Variants in STAM2 observed in about 807,000 individuals in gnomAD.
STAM2 encodes the protein signal transducing adaptor molecule 2.
Under a neutral mutation model 65.6 loss-of-function variants are expected in STAM2, and 51 were observed. That is an observed-to-expected ratio of 0.78 (90% CI 0.62 to 0.98). The LOEUF (loss-of-function observed/expected upper bound fraction) is 0.98. Among genes scored for constraint, STAM2 ranks in the 50% least tolerant of loss-of-function variants. STAM2 has a pLI of 0.00. For synonymous variants in STAM2, 198 were observed against 208.4 expected (o/e 0.95, Z 0.43); for missense variants, 584 against 617.8 (o/e 0.95, Z 0.58).
chr2:152,173,386 A>G (rs1007044143), intron 1 of STAM2, among the ~76,000 whole-genome samples: 1 of 143,740 alleles, frequency 7.0e-6, no homozygotes. Flanking sequence ...ATATATATAT[A>G]TGTATACATA....
At chr2:152,139,380 G>C (rs568367031) in intron 7 of STAM2, among the ~76,000 whole-genome samples, 1 of 152,260 alleles carries the variant, frequency 6.6e-6, no homozygotes, top group South Asian at 2.1e-4. Flanking sequence ...AAATTACAAA[G>C]ATAATTAAGA....
chr2:152,145,000 C>G (rs1176327856), intron 5 of STAM2, 43 bp from the exon 6 acceptor site: 8 of 1,437,002 alleles, frequency 5.6e-6, no homozygotes, highest in Non-Finnish European at 6.9e-6. Flanking sequence ...TCTTTTCAAA[C>G]AAAACACAAG....
intron 6 of STAM2, 134 bp downstream of exon 6, chr2:152,144,754 G>T (rs1219407162): frequency 4.6e-6 from 3 of 651,798 alleles, no homozygotes; most frequent in Non-Finnish European, 8.2e-6. Context: ...GGTCAGGCTG[G>T]TCTCGATCTC....
chr2:152,150,406 G>T (rs1689420424), intron 1 of STAM2, among the ~76,000 whole-genome samples, 177 bp from the exon 2 acceptor site: 1 of 152,162 alleles, frequency 6.6e-6, no homozygotes, highest in Admixed American at 6.5e-5. Flanking sequence ...ATAATTAAAT[G>T]AACTAAATAT....
rs1361703322 is a variant in STAM2, at chr2:152,160,875, G to C, written c.41-10646C>G. 8.1e-5 allele frequency among the ~76,000 whole-genome samples: 12 copies of C among 149,046 alleles called. No individual in the cohort carries two copies. In the South Asian group the frequency reaches 2.1e-3, roughly 26 times the overall value. ...AGCCGCCCCGTCCGGGAGGGAGGTG[G>C]GGGGGTCAGCCCCCCGCCTGGCCAG... On this transcript the variant is annotated intron_variant, in intron 1 of 13. Transcript: ENST00000263904.
chr2:152,136,833 T>C (rs183004465), intron 7 of STAM2, among the ~76,000 whole-genome samples: 28 of 152,232 alleles, frequency 1.8e-4, no homozygotes, highest in South Asian at 4.2e-4. Flanking sequence ...CATGCAACAA[T>C]TTCTCTGCGC....
At chr2:152,154,018 G>C (rs547317711) in intron 1 of STAM2, among the ~76,000 whole-genome samples, 1 of 152,218 alleles carries the variant, frequency 6.6e-6, no homozygotes, top group Admixed American at 6.5e-5. Context: ...GTTAAGCTAT[G>C]AACAAGACGA....
intron 11 of STAM2, among the ~76,000 whole-genome samples, chr2:152,130,005 T>C (rs1292717417): frequency 6.6e-6 from 1 of 152,208 alleles, no homozygotes; most frequent in East Asian, 1.9e-4. Context: ...AAGAAGTAGT[T>C]TATATTCTCC....
intron 12 of STAM2, among the ~76,000 whole-genome samples, chr2:152,125,287 T>C (rs1560209471): frequency 6.6e-6 from 1 of 152,226 alleles, no homozygotes; most frequent in East Asian, 1.9e-4. Context: ...AGGCATGGCA[T>C]ATTTGATAAA....
chr2:152,147,442 G>C, intron 4 of STAM2, 134 bp from the exon 5 acceptor site: 2 of 816,630 alleles, frequency 2.4e-6, no homozygotes, highest in East Asian at 5.9e-5. Flanking sequence ...GAAATTTCTA[G>C]CCTAGTTGAG....
In STAM2 at chr2:152,125,500, T is replaced by C. The variant is rs140272290; in HGVS notation, c.1179+726A>G. On this transcript the variant is annotated intron_variant, in intron 12 of 13. Coordinates refer to ENST00000263904, the MANE Select transcript of STAM2 (RefSeq NM_005843.6). ...GCTCATTCTGAATTCAATTGGCTAA[T>C]TGGCTGAAATTTCAAAAAACGCTTC... 1.3e-3 allele frequency among the ~76,000 whole-genome samples: 203 copies of C among 152,308 alleles called. 1 individual carries two copies. Among genetic ancestry groups the C allele is most frequent in the Non-Finnish European group, 2.4e-3 (160 of 68,022 alleles).
intron 1 of STAM2, among the ~76,000 whole-genome samples, chr2:152,151,964 G>A (rs531747077): frequency 6.6e-6 from 1 of 152,272 alleles, no homozygotes; most frequent in African/African-American, 2.4e-5. Flanking sequence ...TACTGAGACA[G>A]GGTCTCACTC....
Position 152,147,229 on chromosome 2 carries a change from C to G in STAM2, c.380G>C (p.Ser127Thr), listed in dbSNP as rs1172384125. 2.5e-6 allele frequency: 4 copies of G among 1,612,020 alleles called. No individual in the cohort carries two copies. In the African/African-American group the frequency reaches 5.3e-5, roughly 22 times the overall value. Residue 127 changes from serine to threonine, a missense_variant, in exon 5 of 14, where the codon AGT (serine) becomes ACT (threonine). Physicochemically the swap from Ser to Thr is moderately conservative, Grantham distance 58. Coordinates refer to ENST00000263904, the MANE Select transcript of STAM2 (RefSeq NM_005843.6). ...AGATTTAATAGTTGCAGATATCAGA[C>G]TAAACTGAGGGTCCTTCTGAAATTC... Reference protein sequence around the residue: ...SEEFQKDPQFSLISATIKSMK... With the variant: ...SEEFQKDPQFTLISATIKSMK...
intron 1 of STAM2, among the ~76,000 whole-genome samples, chr2:152,171,137 T>A (rs1240325083): frequency 6.6e-6 from 1 of 152,222 alleles, no homozygotes; most frequent in Non-Finnish European, 1.5e-5. Flanking sequence ...TATCTATTTA[T>A]AGAGTGTTTA....
chr2:152,171,656 C>T (rs1354019656), intron 1 of STAM2, among the ~76,000 whole-genome samples: 1 of 152,212 alleles, frequency 6.6e-6, no homozygotes, highest in Non-Finnish European at 1.5e-5. Flanking sequence ...AAGTCAGAAA[C>T]ACAGCAATAC....
rs547804442 is a variant in STAM2, at chr2:152,165,426, G to T, written c.40+10177C>A. Among the ~76,000 whole-genome samples, 3 of 151,234 alleles carry T rather than the reference G, an allele frequency of 2.0e-5. No homozygotes were observed. In the East Asian group the frequency reaches 5.8e-4, roughly 29 times the overall value. Reference sequence around the variant, plus strand: ...AGCCTGGGCAACAGAACGAGACTCTGTCTCAAAAAAAAAAAGTCTCCAAGG... The same window carrying T: ...AGCCTGGGCAACAGAACGAGACTCTTTCTCAAAAAAAAAAAGTCTCCAAGG... On this transcript the variant is annotated intron_variant, in intron 1 of 13. Transcript: ENST00000263904.
Position 152,119,890 on chromosome 2 carries a change from C to T in STAM2, c.*684G>A, listed in dbSNP as rs1312426723. 6.6e-6 allele frequency: 1 copy of T among 152,384 alleles called. No homozygotes were observed. The highest frequency in any genetic ancestry group is 1.5e-5 in the Non-Finnish European group (1 of 68,026). 9.4% of individuals were successfully genotyped at this position (152,384 alleles called of 1,614,324 possible). A position where few individuals can be genotyped will look rare whatever the true frequency, so the allele number is the denominator to read the frequency against. Reference sequence around the variant, plus strand: ...TTAATCACAGAAAACATTTTTGTTCCTTCCAGATTGCTCTTGCTTCTGTAG... The same window carrying T: ...TTAATCACAGAAAACATTTTTGTTCTTTCCAGATTGCTCTTGCTTCTGTAG... On this transcript the variant is annotated 3_prime_UTR_variant, in exon 14 of 14. Transcript: ENST00000263904.
chr2:152,161,491 CAATA>C (rs1446792377), intron 1 of STAM2, among the ~76,000 whole-genome samples: 17 of 60,966 alleles, frequency 2.8e-4, no homozygotes, highest in African/African-American at 1.1e-3. Context: ...CAAGAATGAT[CAATA>C]AAAAAAAAAA....
chr2:152,142,762 C>T (rs1242758681), intron 7 of STAM2, among the ~76,000 whole-genome samples: 2 of 152,072 alleles, frequency 1.3e-5, no homozygotes, highest in African/African-American at 2.4e-5. Context: ...GTGTTCCACT[C>T]CAAATGATTA....
Sources: allele counts gnomAD v4.1 joint callset (sites outside exome capture counted in the v4.1 genomes callset), GRCh38; gene constraint gnomAD v4.1.1; transcripts MANE v1.5; gene names NCBI Gene and HGNC (gene_info 2026-07-23, HGNC 2026-07-21).